Variants in ACTN1 observed in about 807,000 individuals in gnomAD.
ACTN1 encodes the protein alpha-actinin-1.
Under a neutral mutation model 119.6 loss-of-function variants are expected in ACTN1, and 30 were observed. The observed-to-expected ratio is 0.25, with a 90% CI of 0.19 to 0.34. ACTN1 has a LOEUF of 0.34. ACTN1 is among the 10% of genes least tolerant of loss of function. The pLI is 1.00. For synonymous variants in ACTN1, 429 were observed against 472.6 expected, an observed-to-expected ratio of 0.91 and a Z score of 1.20; for missense variants, 764 against 1,223.4, an observed-to-expected ratio of 0.62 and a Z score of 5.60.
intron 13 of ACTN1, 74 bp downstream of exon 13, chr14:68,884,701 G>A: frequency 3.9e-6 from 5 of 1,280,538 alleles, no homozygotes; most frequent in Non-Finnish European, 5.7e-6. Flanking sequence ...CCAAAGCAAA[G>A]AGAGTCAAGA....
At chr14:68,890,423 G>A in intron 10 of ACTN1, 137 bp from the exon 11 acceptor site, 4 of 1,038,898 alleles carry the variant, frequency 3.9e-6, no homozygotes, top group Non-Finnish European at 4.1e-6. Context: ...ATCCACCCTA[G>A]CCAGGCTGCC....
chr14:68,904,913 G>C (rs1024245509), intron 6 of ACTN1, among the ~76,000 whole-genome samples, 177 bp from the exon 7 acceptor site: 1 of 152,228 alleles, frequency 6.6e-6, no homozygotes, highest in Non-Finnish European at 1.5e-5. Flanking sequence ...GGGCTCACTG[G>C]TTGGAGGTTT....
chr14:68,933,114 C>T (rs1054669697), intron 1 of ACTN1, among the ~76,000 whole-genome samples: 1 of 151,796 alleles, frequency 6.6e-6, no homozygotes, highest in African/African-American at 2.4e-5. Flanking sequence ...ACAAGTTAGT[C>T]CTTACCTCCT....
rs2033866996 is a variant in ACTN1 at position 68,909,440 on chromosome 14, T to C, written c.516-44A>G. 1 of 1,604,062 alleles carries C rather than the reference T, an allele frequency of 6.2e-7. No individual in the cohort carries two copies. Among genetic ancestry groups the C allele is most frequent in the African/African-American group, 1.3e-5 (1 of 74,708 alleles). ...GAAGGAGCAGGCTGGTAAATGAGGC[T>C]GAACAAACGGGCAACCAGGGCAAAG... On this transcript the variant is annotated intron_variant, in intron 5 of 21. Transcript: ENST00000394419. This position sits in a 1 kb window ranked among gnomAD's most constrained non-coding sequence, Gnocchi z 4.1.
chr14:68,936,204 A>C (rs552207008), intron 1 of ACTN1, among the ~76,000 whole-genome samples: 39 of 152,184 alleles, frequency 2.6e-4, no homozygotes, highest in African/African-American at 9.4e-4. Flanking sequence ...GTGGGCTCTC[A>C]AAGAAAGCCA....
chr14:68,892,336 G>A, intron 9 of ACTN1, 53 bp from the exon 10 acceptor site: 1 of 1,550,622 alleles, frequency 6.4e-7, no homozygotes, highest in Non-Finnish European at 8.8e-7. Flanking sequence ...GAGGGAGTGT[G>A]CTAGGGCCAG....
At chr14:68,953,984 A>T (rs939464690) in intron 1 of ACTN1, among the ~76,000 whole-genome samples, 2 of 152,208 alleles carry the variant, frequency 1.3e-5, no homozygotes, top group African/African-American at 2.4e-5. Context: ...TAAAATTTAA[A>T]TACTAATTTT....
At chr14:68,955,383 GC>G (rs1566671482) in intron 1 of ACTN1, among the ~76,000 whole-genome samples, 2 of 152,150 alleles carry the variant, frequency 1.3e-5, no homozygotes, top group African/African-American at 4.8e-5. Flanking sequence ...ATGACTAGGC[GC>G]TCACCGTGTC....
intron 11 of ACTN1, among the ~76,000 whole-genome samples, chr14:68,889,016 C>A (rs2032258409): frequency 6.6e-6 from 1 of 152,122 alleles, no homozygotes; most frequent in Admixed American, 6.5e-5. Context: ...GAGTACAAAA[C>A]AGGGCTGACT....
At chr14:68,970,316 G>A in intron 1 of ACTN1, among the ~76,000 whole-genome samples, 1 of 152,106 alleles carries the variant, frequency 6.6e-6, no homozygotes, top group East Asian at 1.9e-4. Context: ...CTCTGACCTG[G>A]CACAAAAACT....
At chr14:68,888,723 G>T (rs1053242655) in intron 11 of ACTN1, among the ~76,000 whole-genome samples, 1 of 152,104 alleles carries the variant, frequency 6.6e-6, no homozygotes, top group Non-Finnish European at 1.5e-5. Flanking sequence ...TTGTGTCAGG[G>T]GCGGCACTGG....
chr14:68,912,568 G>T (rs1251221945), intron 3 of ACTN1, among the ~76,000 whole-genome samples: 1 of 152,002 alleles, frequency 6.6e-6, no homozygotes, highest in Non-Finnish European at 1.5e-5. Flanking sequence ...GTAGAGACAG[G>T]GTCTTACGAT....
intron 1 of ACTN1, among the ~76,000 whole-genome samples, chr14:68,972,775 C>A (rs1239603689): frequency 1.3e-5 from 2 of 152,202 alleles, no homozygotes; most frequent in Non-Finnish European, 2.9e-5. Flanking sequence ...GCTGCGTGGG[C>A]CTGGAGGAGT....
rs1010584851 is a variant in ACTN1 at position 68,879,144 on chromosome 14, G to A, written c.2281-75C>T. The A allele has an allele frequency of 1.4e-6, 2 of 1,457,328 alleles. No homozygotes were observed. The highest frequency in any genetic ancestry group is 4.0e-5 in the Admixed American group (2 of 49,518). 90.3% of individuals were successfully genotyped at this position (1,457,328 alleles called of 1,614,324 possible). A position where few individuals can be genotyped will look rare whatever the true frequency, so the allele number is the denominator to read the frequency against. On this transcript the variant is annotated intron_variant, in intron 18 of 21. Transcript: ENST00000394419. This position sits in a 1 kb window ranked among gnomAD's most constrained non-coding sequence, Gnocchi z 4.9. ...GAGCCGTGAGGGGGGCATGCCCCGGGGGAGGGTGGCGTGTGTGGGGAGACA... is the reference window on the plus strand; with the variant it reads ...GAGCCGTGAGGGGGGCATGCCCCGGAGGAGGGTGGCGTGTGTGGGGAGACA...
chr14:68,978,113 G>T, intron 1 of ACTN1: 1 of 455,306 alleles, frequency 2.2e-6, no homozygotes, highest in South Asian at 1.6e-5. Flanking sequence ...GCCTGCCTGG[G>T]ATGCAGCTCC....
In ACTN1 at chr14:68,878,452, C is replaced by T. The variant is rs755816705; in HGVS notation, c.2427+6G>A. The T allele has an allele frequency of 3.9e-6, 6 of 1,545,804 alleles. No homozygotes were observed. The highest frequency in any genetic ancestry group is 5.2e-6 in the Non-Finnish European group (6 of 1,144,306). ...CAGGGCAGACAGAGGGTGGGGTTTA[C>T]GTTACCATGTTGTAACCCATGGAGA... On this transcript the variant is annotated splice_donor_region_variant and intron_variant, in intron 20 of 21. Coordinates refer to ENST00000394419, the MANE Select transcript of ACTN1 (RefSeq NM_001130004.2). The surrounding 1 kb of genome is among the most constrained non-coding windows in gnomAD (Gnocchi z 4.4).
Position 68,877,219 on chromosome 14 carries a change from T to C in ACTN1, c.2449A>G (p.Ile817Val). 1.2e-6 allele frequency: 2 copies of C among 1,614,160 alleles called. No homozygotes were observed. Among genetic ancestry groups the C allele is most frequent in the Non-Finnish European group, 8.5e-7 (1 of 1,180,026 alleles). ...CGGTTGGGGTCCACAATGCTCATGA[T>C]GCGGGCAAATTCTGCTTCTCCCTGG... The part of the protein sequence containing the change: ...YNMGEAEFAR[I>V]MSIVDPNRLG... The change falls in exon 21 of 22, where the codon ATC becomes GTC. Residue 817 changes from isoleucine to valine, a missense_variant. Physicochemically the swap from Ile to Val is conservative, Grantham distance 29. Coordinates refer to ENST00000394419, the MANE Select transcript of ACTN1 (RefSeq NM_001130004.2).
intron 1 of ACTN1, among the ~76,000 whole-genome samples, chr14:68,940,050 G>A (rs991292087): frequency 2.0e-5 from 3 of 152,170 alleles, no homozygotes; most frequent in South Asian, 2.1e-4. Flanking sequence ...AGTGGCACCC[G>A]CTCCGGGAGG....
At chr14:68,905,926 T>C (rs901963355) in intron 6 of ACTN1, among the ~76,000 whole-genome samples, 4 of 148,004 alleles carry the variant, frequency 2.7e-5, no homozygotes, top group African/African-American at 1.0e-4. Flanking sequence ...GAGGTTGCAA[T>C]GAGCCAAGAT....
Sources: gnomAD v4.1 joint callset for allele counts (sites outside exome capture counted in the v4.1 genomes callset) on GRCh38, gnomAD v4.1.1 for gene constraint, Gnocchi (gnomAD v3.1) non-coding constraint, MANE v1.5 for transcripts, NCBI Gene and HGNC (gene_info 2026-07-23, HGNC 2026-07-21) for gene names.